The following CCBE1 variants were observed in gnomAD, a reference collection of about 807,000 sequenced individuals.
CCBE1 encodes the protein collagen and calcium-binding EGF domain-containing protein 1.
Under a neutral mutation model 50.0 loss-of-function variants are expected in CCBE1, and 37 were observed. The observed-to-expected ratio is 0.74, with a 90% CI of 0.57 to 0.97. CCBE1 has a LOEUF of 0.97. CCBE1 is among the 50% of genes least tolerant of loss of function. The probability of loss-of-function intolerance (pLI) is 0.00; values close to 1 mark genes in which losing one functional copy is unlikely to be tolerated. For missense variants in CCBE1, 538 were observed against 523.8 expected (o/e 1.03, Z -0.26); for synonymous variants, 234 against 203.7 (o/e 1.15, Z -1.27).
intron 2 of CCBE1, among the ~76,000 whole-genome samples, chr18:59,613,173 G>A (rs776949177): frequency 3.9e-4 from 59 of 152,104 alleles, no homozygotes; most frequent in Non-Finnish European, 7.6e-4. Flanking sequence ...TACACCAGCT[G>A]CAGGGCATGG....
intron 2 of CCBE1, among the ~76,000 whole-genome samples, chr18:59,625,215 A>AG (rs1452798624): frequency 1.3e-5 from 2 of 152,136 alleles, no homozygotes; most frequent in African/African-American, 4.8e-5. Flanking sequence ...GTGGATCACA[A>AG]GGTCAGGAGA....
chr18:59,496,856 A>G (rs1913379630), intron 2 of CCBE1, among the ~76,000 whole-genome samples: 1 of 152,204 alleles, frequency 6.6e-6, no homozygotes, highest in Non-Finnish European at 1.5e-5. Flanking sequence ...ATTATTAACA[A>G]GTATAAAATG....
At chr18:59,456,051 T>A (rs1421134096) in intron 5 of CCBE1, among the ~76,000 whole-genome samples, 1 of 152,146 alleles carries the variant, frequency 6.6e-6, no homozygotes, top group East Asian at 1.9e-4. Context: ...ACTTGTTGAA[T>A]CCCACCAAGA....
rs1373631920 is a variant in CCBE1, at chr18:59,565,561, AT to A, written c.213-85324del. 5.3e-5 allele frequency among the ~76,000 whole-genome samples: 8 copies of A among 152,334 alleles called. No homozygotes were observed. In the East Asian group the frequency reaches 7.7e-4, roughly 15 times the overall value. ...ACTGCACATAGTGCCTGACCTTAGA[AT>A]TAGGACCAGCTTTGTAATTTGCCTG... On this transcript the variant is annotated intron_variant, in intron 2 of 10. Coordinates refer to ENST00000439986, the MANE Select transcript of CCBE1 (RefSeq NM_133459.4).
intron 2 of CCBE1, among the ~76,000 whole-genome samples, chr18:59,666,349 C>A (rs1044122739): frequency 7.9e-5 from 12 of 152,140 alleles, no homozygotes; most frequent in African/African-American, 2.4e-5. Flanking sequence ...GGAGACACAG[C>A]CAAACCATAT....
intron 2 of CCBE1, among the ~76,000 whole-genome samples, chr18:59,597,933 T>C (rs1338190889): frequency 6.6e-6 from 1 of 152,126 alleles, no homozygotes; most frequent in African/African-American, 2.4e-5. Context: ...TTATTTCTAA[T>C]CTCTCTCAAA....
chr18:59,512,344 C>G (rs866114138), intron 2 of CCBE1, among the ~76,000 whole-genome samples: 1 of 152,368 alleles, frequency 6.6e-6, no homozygotes, highest in African/African-American at 2.4e-5. Flanking sequence ...ACATCTACCC[C>G]TAGACACAGC....
rs147617641 is a variant in CCBE1 at position 59,680,113 on chromosome 18, C to T, written c.212+16516G>A. On this transcript the variant is annotated intron_variant, in intron 2 of 10. Transcript: ENST00000439986. ...GCGCATGCCTGTAATCCCAGCTACT[C>T]GGGAGACTGAAGCAGGAGAGTCACT... Among the ~76,000 whole-genome samples, 826 of 151,762 alleles carry T rather than the reference C, an allele frequency of 5.4e-3. 3 individuals carry two copies. The highest frequency in any genetic ancestry group is 9.3e-3 in the Non-Finnish European group (634 of 67,912).
chr18:59,695,789 G>C (rs2054796600), intron 2 of CCBE1, among the ~76,000 whole-genome samples: 2 of 152,190 alleles, frequency 1.3e-5, no homozygotes, highest in South Asian at 2.1e-4. Context: ...AGACAGTCAG[G>C]TGTGGGCATA....
chr18:59,485,831 C>T (rs1408966223), intron 2 of CCBE1, among the ~76,000 whole-genome samples: 1 of 151,670 alleles, frequency 6.6e-6, no homozygotes, highest in Non-Finnish European at 1.5e-5. Context: ...GAACTCCTGA[C>T]CTCAGGTGAT....
At chr18:59,642,961 A>C (rs953348299) in intron 2 of CCBE1, among the ~76,000 whole-genome samples, 3 of 151,822 alleles carry the variant, frequency 2.0e-5, no homozygotes, top group African/African-American at 7.3e-5. Context: ...AAAAAAAAAA[A>C]AAAAAAAAAT....
chr18:59,514,208 A>G (rs750928412), intron 2 of CCBE1, among the ~76,000 whole-genome samples: 20 of 152,186 alleles, frequency 1.3e-4, no homozygotes, highest in Non-Finnish European at 2.6e-4. Context: ...CGGATCCCAT[A>G]TTACCGATAC....
intron 2 of CCBE1, among the ~76,000 whole-genome samples, chr18:59,490,761 T>C (rs1913061128): frequency 6.6e-6 from 1 of 152,244 alleles, no homozygotes; most frequent in South Asian, 2.1e-4. Flanking sequence ...TAGGAAACCA[T>C]AGTATCATTT....
chr18:59,611,630 C>T (rs1599061667), intron 2 of CCBE1, among the ~76,000 whole-genome samples: 3 of 152,158 alleles, frequency 2.0e-5, no homozygotes, highest in Non-Finnish European at 4.4e-5. Flanking sequence ...CCTGTAATCC[C>T]GGCTACTTGG....
At chr18:59,532,221 A>G (rs1347291647) in intron 2 of CCBE1, among the ~76,000 whole-genome samples, 2 of 152,040 alleles carry the variant, frequency 1.3e-5, no homozygotes, top group African/African-American at 4.8e-5. Context: ...TGATTTTTGT[A>G]TTTTTAGTAG....
chr18:59,519,595 C>G (rs1167082116), intron 2 of CCBE1, among the ~76,000 whole-genome samples: 1 of 152,180 alleles, frequency 6.6e-6, no homozygotes, highest in African/African-American at 2.4e-5. Context: ...GAATAGATTG[C>G]AGAAATTTTC....
chr18:59,469,769 C>T (rs139934924), intron 3 of CCBE1, among the ~76,000 whole-genome samples, 162 bp from the exon 4 acceptor site: 1 of 152,312 alleles, frequency 6.6e-6, no homozygotes, highest in East Asian at 1.9e-4. Context: ...CTGTGGGTCA[C>T]CTTCTAAGAG....
At chr18:59,521,795 G>A (rs1377961941) in intron 2 of CCBE1, among the ~76,000 whole-genome samples, 7 of 152,170 alleles carry the variant, frequency 4.6e-5, no homozygotes, top group African/African-American at 1.7e-4. Flanking sequence ...TATTGAAAGA[G>A]AAATTCATTG....
chr18:59,497,500 G>C (rs1433958495), intron 2 of CCBE1, among the ~76,000 whole-genome samples: 1 of 152,208 alleles, frequency 6.6e-6, no homozygotes, highest in East Asian at 1.9e-4. Flanking sequence ...GGCCTGGTTT[G>C]AGGCATCTTT....
Sources: allele counts gnomAD v4.1 joint callset (sites outside exome capture counted in the v4.1 genomes callset), GRCh38; gene constraint gnomAD v4.1.1; transcripts MANE v1.5; gene names NCBI Gene and HGNC (gene_info 2026-07-23, HGNC 2026-07-21).